The following ATP9B variants were observed in gnomAD, a reference collection of about 807,000 sequenced individuals.
ATP9B encodes ATPase phospholipid transporting 9B, also known as probable phospholipid-transporting ATPase IIB.
Under a neutral mutation model 146.1 loss-of-function variants are expected in ATP9B, and 110 were observed. The ratio of observed to expected loss-of-function variants is 0.75; its 90% CI spans 0.65 to 0.88. The LOEUF is 0.88. ATP9B is among the 40% of genes least tolerant of loss of function. ATP9B has a pLI of 0.00. For synonymous variants in ATP9B, 604 were observed against 569.7 expected (o/e 1.06, Z -0.86); for missense variants, 1,499 against 1,496.4 (o/e 1.00, Z -0.03).
chr18:79,209,043 C>T (rs1293288701), intron 10 of ATP9B, among the ~76,000 whole-genome samples: 7 of 152,290 alleles, frequency 4.6e-5, no homozygotes, highest in Middle Eastern at 3.4e-3. Context: ...CCAGCCTCTC[C>T]GCCAGGTGGT....
At chr18:79,085,285 C>G (rs1365437414) in intron 1 of ATP9B, 1 of 152,204 alleles carries the variant, frequency 6.6e-6, no homozygotes, top group Non-Finnish European at 1.5e-5. Flanking sequence ...TCAGTATCTC[C>G]CACTAGGCCC....
At chr18:79,227,770 G>C (rs961318519) in intron 11 of ATP9B, among the ~76,000 whole-genome samples, 1 of 152,058 alleles carries the variant, frequency 6.6e-6, no homozygotes, top group Non-Finnish European at 1.5e-5. Context: ...TTCCCGGGAG[G>C]TTCTAACTGT....
intron 7 of ATP9B, among the ~76,000 whole-genome samples, chr18:79,160,679 A>C (rs980490411): frequency 6.6e-5 from 10 of 152,270 alleles, no homozygotes; most frequent in African/African-American, 2.4e-4. Context: ...TTTTCAGAAG[A>C]GGAATCTGAG....
chr18:79,254,165 G>T (rs1410276022), intron 12 of ATP9B: 1 of 152,290 alleles, frequency 6.6e-6, no homozygotes, highest in Non-Finnish European at 1.5e-5. Flanking sequence ...TCATAGGAAT[G>T]AGCAACTGAA....
intron 11 of ATP9B, among the ~76,000 whole-genome samples, chr18:79,231,803 T>TATAC (rs569726473): frequency 0.08 from 9,100 of 114,358 alleles, 419 homozygotes; most frequent in African/African-American, 0.13. Flanking sequence ...TATATATATA[T>TATAC]ACACACACAC....
chr18:79,095,793 A>C, intron 1 of ATP9B: 1 of 152,194 alleles, frequency 6.6e-6, no homozygotes, highest in Non-Finnish European at 1.5e-5. Context: ...GATAAATTAC[A>C]TTTGTGATTG....
chr18:79,279,871 G>C (rs1416971538), intron 13 of ATP9B, among the ~76,000 whole-genome samples: 2 of 152,148 alleles, frequency 1.3e-5, no homozygotes, highest in Non-Finnish European at 2.9e-5. Context: ...CTCTTGGTGG[G>C]AACTTAAGTT....
intron 1 of ATP9B, among the ~76,000 whole-genome samples, chr18:79,072,870 A>G (rs1244474384): frequency 1.3e-5 from 2 of 151,552 alleles, no homozygotes; most frequent in East Asian, 3.9e-4. Context: ...CTCAGTTCCC[A>G]GACAGGGTGG....
intron 7 of ATP9B, among the ~76,000 whole-genome samples, chr18:79,155,085 C>A (rs938118962): frequency 6.6e-6 from 1 of 152,122 alleles, no homozygotes; most frequent in Non-Finnish European, 1.5e-5. Flanking sequence ...TTTTATTCAG[C>A]GATTCAGCAA....
intron 12 of ATP9B, among the ~76,000 whole-genome samples, chr18:79,262,317 C>T (rs1044538221): frequency 6.6e-6 from 1 of 151,816 alleles, no homozygotes; most frequent in Admixed American, 6.6e-5. Context: ...ATTTATGTTA[C>T]GTTTTTAGTT....
chr18:79,165,046 G>A (rs2094944333), intron 7 of ATP9B, among the ~76,000 whole-genome samples: 1 of 152,168 alleles, frequency 6.6e-6, no homozygotes, highest in Non-Finnish European at 1.5e-5. Context: ...CCAAATTTGA[G>A]AAACAACTAG....
At chr18:79,374,306 G>A (rs2097090502) in intron 28 of ATP9B, 2 of 556,192 alleles carry the variant, frequency 3.6e-6, no homozygotes, top group East Asian at 6.2e-5. Context: ...CTGACAGGAG[G>A]CGCTGAGCCC....
intron 13 of ATP9B, among the ~76,000 whole-genome samples, chr18:79,301,995 T>C (rs1480903250): frequency 6.6e-6 from 1 of 152,224 alleles, no homozygotes; most frequent in African/African-American, 2.4e-5. Context: ...TGTGCTCTAA[T>C]CCTCACGCAC....
chr18:79,177,672 C>A (rs944835146), intron 8 of ATP9B, among the ~76,000 whole-genome samples: 1 of 147,048 alleles, frequency 6.8e-6, no homozygotes, highest in Non-Finnish European at 1.5e-5. Context: ...CAGATATTCA[C>A]AAATGAATAT....
chr18:79,300,033 A>G (rs78486144), intron 13 of ATP9B: 1,693 of 152,432 alleles, frequency 0.011, 20 homozygotes, highest in Non-Finnish European at 0.015. Flanking sequence ...AAAGCAACGT[A>G]CTAGAATGAG....
intron 11 of ATP9B, among the ~76,000 whole-genome samples, chr18:79,242,640 AATC>A (rs761308795): frequency 5.9e-5 from 9 of 152,246 alleles, no homozygotes; most frequent in Non-Finnish European, 8.8e-5. Flanking sequence ...TTTGGAGTAT[AATC>A]ATCGTGTGAT....
chr18:79,305,889 G>A (rs760263122), intron 14 of ATP9B, among the ~76,000 whole-genome samples: 1 of 152,210 alleles, frequency 6.6e-6, no homozygotes, highest in Non-Finnish European at 1.5e-5. Flanking sequence ...TTTATAACCT[G>A]ATTGTATTTC....
chr18:79,189,670 C>T (rs1207382136), intron 8 of ATP9B, among the ~76,000 whole-genome samples: 1 of 151,332 alleles, frequency 6.6e-6, no homozygotes, highest in Non-Finnish European at 1.5e-5. Flanking sequence ...TAGTACAGTA[C>T]TGTATTTTTT....
chr18:79,341,810 C>T (rs142047995), intron 19 of ATP9B, among the ~76,000 whole-genome samples: 1,527 of 150,694 alleles, frequency 0.01, 37 homozygotes, highest in Middle Eastern at 0.036. Flanking sequence ...ATGTGTGTAG[C>T]GTGACCTTGT....
Sources: gnomAD v4.1 joint callset for allele counts (sites outside exome capture counted in the v4.1 genomes callset) on GRCh38, gnomAD v4.1.1 for gene constraint, MANE v1.5 for transcripts, NCBI Gene and HGNC (gene_info 2026-07-23, HGNC 2026-07-21) for gene names.